ANKRD12: variants seen among roughly 807,000 people sequenced by gnomAD.
ANKRD12 encodes the protein ankyrin repeat domain-containing protein 12.
ANKRD12 carries 85 observed loss-of-function variants against 183.4 expected under a neutral mutation model. The observed-to-expected ratio is 0.46, with a 90% CI of 0.39 to 0.56. The LOEUF (loss-of-function observed/expected upper bound fraction) is 0.56, where lower values mean the gene tolerates loss of function less well. Among genes scored for constraint, ANKRD12 ranks in the 20% least tolerant of loss-of-function variants. The probability of loss-of-function intolerance (pLI) is 0.00; values close to 1 mark genes in which losing one functional copy is unlikely to be tolerated. For synonymous variants in ANKRD12, 914 were observed against 800.2 expected, an observed-to-expected ratio of 1.14 and a Z score of -2.40; for missense variants, 2,405 against 2,357.1, an observed-to-expected ratio of 1.02 and a Z score of -0.42.
At chr18:9,205,806 A>G (rs1389878843) in intron 4 of ANKRD12, among the ~76,000 whole-genome samples, 2 of 152,052 alleles carry the variant, frequency 1.3e-5, no homozygotes, top group Admixed American at 6.6e-5. Context: ...ATGTTCATCT[A>G]TATTTGAGTT....
chr18:9,258,451 A>C lies in ANKRD12; in HGVS notation c.5184A>C (p.Glu1728Asp). The change falls in exon 9 of 13, where the codon GAA becomes GAC. Residue 1728 changes from glutamate (E) to aspartate (D), a missense_variant. By Grantham distance (45) the Glu-to-Asp change is conservative. Transcript: ENST00000262126. ...AAAATGCCGAAGATGATAAAACTGA[A>C]AACCAAATCCCTCAAAGAATGACTA... Reference protein sequence around the residue: ...LEENAEDDKTENQIPQRMTRN... With the variant: ...LEENAEDDKTDNQIPQRMTRN... 1 of 1,613,850 alleles carries C rather than the reference A, an allele frequency of 6.2e-7. No homozygotes were observed. Among genetic ancestry groups the C allele is most frequent in the African/African-American group, 1.3e-5 (1 of 75,048 alleles).
Position 9,221,931 on chromosome 18 carries a change from A to G in ANKRD12, c.875A>G (p.Glu292Gly), listed in dbSNP as rs1290325761. 6.2e-7 allele frequency: 1 copy of G among 1,614,040 alleles called. No individual in the cohort carries two copies. Among genetic ancestry groups the G allele is most frequent in the Admixed American group, 1.7e-5 (1 of 60,018 alleles). Residue 292 changes from glutamate to glycine, a missense_variant, in exon 8 of 13, where the codon GAA (glutamate) becomes GGA (glycine). Glu to Gly is a moderately conservative substitution (Grantham distance 98). Transcript: ENST00000262126. ...KHGERPVDVA[E>G]TEELELLLKR... ...GGGGAGCGTCCAGTGGATGTAGCAGAAACAGAGGAGTTGGAGTTGCTACTA... is the reference window on the plus strand; with the variant it reads ...GGGGAGCGTCCAGTGGATGTAGCAGGAACAGAGGAGTTGGAGTTGCTACTA...
intron 10 of ANKRD12, among the ~76,000 whole-genome samples, chr18:9,266,023 G>A (rs2039270853): frequency 6.6e-6 from 1 of 152,206 alleles, no homozygotes; most frequent in South Asian, 2.1e-4. Flanking sequence ...AGGTATCAGT[G>A]ATGGAAGATC....
At chr18:9,217,745 C>T (rs2036191733) in intron 7 of ANKRD12, among the ~76,000 whole-genome samples, 1 of 152,118 alleles carries the variant, frequency 6.6e-6, no homozygotes, top group Non-Finnish European at 1.5e-5. Flanking sequence ...TTATTTTTTA[C>T]TGATATTCTT....
Position 9,242,707 on chromosome 18 carries a change from A to G in ANKRD12, c.944-11504A>G, listed in dbSNP as rs181466820. Among the ~76,000 whole-genome samples the G allele has an allele frequency of 2.3e-3, 345 of 152,304 alleles. 2 individuals are homozygous for G. In the Middle Eastern group the frequency reaches 0.024, roughly 11 times the overall value. On this transcript the variant is annotated intron_variant, in intron 8 of 12. Coordinates refer to ENST00000262126, the MANE Select transcript of ANKRD12 (RefSeq NM_015208.5). ...TCTGTTTTACTGATAATTTAGTAGAAAGACGTATGATTGAGGGGAGTACAG... is the reference window on the plus strand; with the variant it reads ...TCTGTTTTACTGATAATTTAGTAGAGAGACGTATGATTGAGGGGAGTACAG...
chr18:9,281,201 A>G lies in ANKRD12; in HGVS notation c.*75A>G. On this transcript the variant is annotated 3_prime_UTR_variant, in exon 13 of 13. Transcript: ENST00000262126. The stretch of plus-strand genomic sequence containing the variant: ...TTATACTGTGGAATACTGCCTTTTG[A>G]CAAAAATACTCATGCCTTTACAATT... 3.2e-6 allele frequency: 4 copies of G among 1,231,822 alleles called. No homozygotes were observed. Among genetic ancestry groups the G allele is most frequent in the Non-Finnish European group, 4.5e-6 (4 of 886,746 alleles). The allele number at this position is 1,231,822 out of a possible 1,614,324, so 76.3% of individuals were successfully genotyped here. A position where few individuals can be genotyped will look rare whatever the true frequency, so the allele number is the denominator to read the frequency against.
chr18:9,248,278 C>G (rs2038081058), intron 8 of ANKRD12, among the ~76,000 whole-genome samples: 1 of 152,194 alleles, frequency 6.6e-6, no homozygotes, highest in Non-Finnish European at 1.5e-5. Flanking sequence ...CTGACATGAA[C>G]ATCGGACTTC....
intron 8 of ANKRD12, among the ~76,000 whole-genome samples, chr18:9,227,181 A>AAT (rs908249485): frequency 7.2e-5 from 11 of 152,238 alleles, no homozygotes; most frequent in African/African-American, 2.4e-4. Flanking sequence ...AAAGATATGT[A>AAT]ATATATATAC....
chr18:9,204,433 C>A, intron 3 of ANKRD12, 43 bp from the exon 4 acceptor site: 1 of 1,388,952 alleles, frequency 7.2e-7, no homozygotes. Flanking sequence ...GCATTTCCCT[C>A]CGTGTGCTTT....
chr18:9,285,156 C>A lies in ANKRD12; in HGVS notation c.*4030C>A, dbSNP rs1228653088. 1.3e-5 allele frequency: 2 copies of A among 151,570 alleles called. No individual in the cohort carries two copies. Among genetic ancestry groups the A allele is most frequent in the Admixed American group, 6.6e-5 (1 of 15,220 alleles). 9.4% of individuals were successfully genotyped at this position (151,570 alleles called of 1,614,324 possible). Reference sequence around the variant, plus strand: ...CCTGGGAGGCGGAGCTTGCAGTGAGCCGAGATCGTGCCACTGCACTCCAGC... The same window carrying A: ...CCTGGGAGGCGGAGCTTGCAGTGAGACGAGATCGTGCCACTGCACTCCAGC... On this transcript the variant is annotated 3_prime_UTR_variant, in exon 13 of 13. Coordinates refer to ENST00000262126, the MANE Select transcript of ANKRD12 (RefSeq NM_015208.5).
In ANKRD12 at chr18:9,263,257, G is replaced by A. The variant is rs543180725; in HGVS notation, c.5665-533G>A. 1.7e-4 allele frequency among the ~76,000 whole-genome samples: 26 copies of A among 152,216 alleles called. No homozygotes were observed. In the South Asian group the frequency reaches 5.4e-3, roughly 32 times the overall value. ...TGAACCAGAAGCTTTTTGGAGTATG[G>A]ATAGACAAAGTCATTGGGATATTAC... On this transcript the variant is annotated intron_variant, in intron 9 of 12. Coordinates refer to ENST00000262126, the MANE Select transcript of ANKRD12 (RefSeq NM_015208.5).
intron 12 of ANKRD12, among the ~76,000 whole-genome samples, chr18:9,279,859 T>C (rs2040026678): frequency 6.6e-6 from 1 of 152,160 alleles, no homozygotes; most frequent in Non-Finnish European, 1.5e-5. Context: ...AAAATGCAGT[T>C]TCTAGTGTGG....
rs191632873 is a variant in ANKRD12 at position 9,150,874 on chromosome 18, C to T, written c.-52+13909C>T. On this transcript the variant is annotated intron_variant, in intron 1 of 12. Coordinates refer to ENST00000262126, the MANE Select transcript of ANKRD12 (RefSeq NM_015208.5). ...TTCACCATATTAGCCAGGATGGTCT[C>T]GATCTCTTGACCTCGTGATCCACCT... 1.1e-3 allele frequency among the ~76,000 whole-genome samples: 170 copies of T among 152,050 alleles called. 1 individual carries two copies. The highest frequency in any genetic ancestry group is 3.8e-3 in the African/African-American group (159 of 41,494).
intron 8 of ANKRD12, among the ~76,000 whole-genome samples, chr18:9,251,551 T>C (rs2038298507): frequency 6.6e-6 from 1 of 152,194 alleles, no homozygotes; most frequent in South Asian, 2.1e-4. Flanking sequence ...CCCAGCACTT[T>C]GGGAAGCCAA....
chr18:9,228,302 C>A (rs1213955823), intron 8 of ANKRD12, among the ~76,000 whole-genome samples: 2 of 152,108 alleles, frequency 1.3e-5, no homozygotes, highest in Non-Finnish European at 2.9e-5. Flanking sequence ...GTGCAGGTAT[C>A]CCTTTGATGT....
chr18:9,265,993 AT>A (rs1318623503), intron 10 of ANKRD12, among the ~76,000 whole-genome samples: 18 of 152,256 alleles, frequency 1.2e-4, no homozygotes, highest in African/African-American at 4.1e-4. Context: ...TCAGTAGCCG[AT>A]TTGATCAGCT....
intron 10 of ANKRD12, among the ~76,000 whole-genome samples, chr18:9,272,251 G>T (rs1021522918): frequency 8.8e-4 from 134 of 152,280 alleles, no homozygotes; most frequent in Non-Finnish European, 1.6e-3. Flanking sequence ...TTAGGGGAGA[G>T]AGGCTCTGAC....
At chr18:9,178,837 T>C (rs1171449860) in intron 1 of ANKRD12, among the ~76,000 whole-genome samples, 1 of 152,170 alleles carries the variant, frequency 6.6e-6, no homozygotes, top group Admixed American at 6.5e-5. Flanking sequence ...CCAAAGTGTT[T>C]TTGTATTTGT....
intron 7 of ANKRD12, among the ~76,000 whole-genome samples, chr18:9,219,113 A>C (rs2036276649): frequency 6.6e-6 from 1 of 152,232 alleles, no homozygotes; most frequent in Non-Finnish European, 1.5e-5. Flanking sequence ...GATGAGCTGT[A>C]AAATCTTGAT....
Sources: allele counts gnomAD v4.1 joint callset (sites outside exome capture counted in the v4.1 genomes callset), GRCh38; gene constraint gnomAD v4.1.1; transcripts MANE v1.5; gene names NCBI Gene and HGNC (gene_info 2026-07-23, HGNC 2026-07-21).